Variants in LAMB2 observed in about 807,000 individuals in gnomAD.
LAMB2 encodes laminin subunit beta 2.
In LAMB2, 119 loss-of-function variants were observed where a neutral mutation model predicts 202.7. That is an observed-to-expected ratio of 0.59 (90% CI 0.51 to 0.68). LAMB2 has a LOEUF of 0.68. LAMB2 is among the 30% of genes least tolerant of loss of function. The pLI, the probability that LAMB2 is intolerant of heterozygous loss-of-function variation, is 0.00. For missense variants in LAMB2, 2,124 were observed against 2,410.6 expected (o/e 0.88, Z 2.49); for synonymous variants, 818 against 902.2 (o/e 0.91, Z 1.67).
chr3:49,123,001 C>A lies in LAMB2; in HGVS notation c.4276G>T (p.Ala1426Ser), dbSNP rs762442181. 6.2e-6 allele frequency: 10 copies of A among 1,608,658 alleles called. No individual in the cohort carries two copies. The highest frequency in any genetic ancestry group is 1.3e-5 in the African/African-American group (1 of 74,938). ...APCATSPCGGAGCRDEDGQPR... is the reference protein window; with the variant it reads ...APCATSPCGGSGCRDEDGQPR... ...TGCCCATCCTCATCTCGACAGCCGG[C>A]ACCCCCACAAGGGCTTGTAGCACAG... Residue 1426 changes from alanine (A) to serine (S), a missense_variant, in exon 27 of 32, where the codon GCC (alanine) becomes TCC (serine). Coordinates refer to ENST00000305544, the MANE Select transcript of LAMB2 (RefSeq NM_002292.4).
At chr3:49,128,338 G>C in intron 15 of LAMB2, 120 bp downstream of exon 15, 1 of 1,296,340 alleles carries the variant, frequency 7.7e-7, no homozygotes, top group Admixed American at 2.2e-5. Context: ...CAGCATTCTG[G>C]AGGTATTTGA....
rs2045494457 is a variant in LAMB2, at chr3:49,132,595, G to C, written c.145C>G (p.Pro49Ala). 1 of 1,613,638 alleles carries C rather than the reference G, an allele frequency of 6.2e-7. No individual in the cohort carries two copies. The highest frequency in any genetic ancestry group is 8.5e-7 in the Non-Finnish European group (1 of 1,180,038). The change falls in exon 2 of 32, where the codon CCC (proline) becomes GCC (alanine). Residue 49 changes from proline (P) to alanine (A), a missense_variant. Around this residue, in one of 3 missense-constraint regions of LAMB2, gnomAD observed 166 missense variants for 158.2 expected, o/e 1.05. Coordinates refer to ENST00000305544, the MANE Select transcript of LAMB2 (RefSeq NM_002292.4). This position sits in a 1 kb window ranked among gnomAD's most constrained non-coding sequence, Gnocchi z 4.6. ...CCCACCAGCAGGTCGCCCGTGGCGG[G>C]GTAGCAGCTTCCCCTGGAACAGCCA... ...VPGCSRGSCY[P>A]ATGDLLVGRA...
At chr3:49,126,184 G>A (rs932831364) in intron 16 of LAMB2, 25 bp from the exon 17 acceptor site, 10 of 1,610,192 alleles carry the variant, frequency 6.2e-6, no homozygotes, top group African/African-American at 2.7e-5. Flanking sequence ...AAGGAAGATC[G>A]CAGTTCAGAC....
Position 49,122,293 on chromosome 3 carries a change from G to A in LAMB2, c.4651C>T (p.Gln1551Ter), listed in dbSNP as rs974856857. 1 of 1,613,498 alleles carries A rather than the reference G, an allele frequency of 6.2e-7. No individual in the cohort carries two copies. The highest frequency in any genetic ancestry group is 8.5e-7 in the Non-Finnish European group (1 of 1,180,050). ...LELSIPASAE[Q>*]IQHLAGAIAE... ...ATCGCACCCGCCAGGTGCTGGATCT[G>A]CTCAGCTGAAGCTGGGATGGAGAGC... is the stretch of plus-strand genomic sequence containing the variant. The change falls in exon 28 of 32, where the codon CAG becomes TAG. Residue 1551 changes from glutamine to a stop codon, truncating the protein, a stop_gained. Coordinates refer to ENST00000305544, the MANE Select transcript of LAMB2 (RefSeq NM_002292.4). LOFTEE classifies it high-confidence loss of function.
Position 49,121,488 on chromosome 3 carries a change from C to T in LAMB2, c.5205G>A (p.Arg1735=), listed in dbSNP as rs1297843307. The T allele has an allele frequency of 6.2e-7, 1 of 1,614,070 alleles. No homozygotes were observed. Among genetic ancestry groups the T allele is most frequent in the Non-Finnish European group, 8.5e-7 (1 of 1,180,040 alleles). Reference sequence around the variant, plus strand: ...CTTGCAACAGGTCCCGAGCCTCATCCCGCAGTTGTTCTGCCCTTGCCTGTG... The same window carrying T: ...CTTGCAACAGGTCCCGAGCCTCATCTCGCAGTTGTTCTGCCCTTGCCTGTG... The part of the protein sequence containing the change: ...LAAQARAEQL[R]DEARDLLQAA... Residue 1735 remains arginine (R), a synonymous_variant, in exon 31 of 32, where the codon CGG becomes CGA. Coordinates refer to ENST00000305544, the MANE Select transcript of LAMB2 (RefSeq NM_002292.4).
chr3:49,123,300 C>G lies in LAMB2; in HGVS notation c.4056G>C (p.Leu1352=). 1 of 1,614,104 alleles carries G rather than the reference C, an allele frequency of 6.2e-7. No homozygotes were observed. The highest frequency in any genetic ancestry group is 8.5e-7 in the Non-Finnish European group (1 of 1,180,030). ...EAERRANTSA[L]AVPSPVSNSA... The stretch of plus-strand genomic sequence containing the variant: ...AGTTGCTCACAGGGCTAGGTACTGC[C>G]AGGGCTGAGGTATTGGCACGACGTT... The change falls in exon 26 of 32, where the codon CTG becomes CTC. Residue 1352 remains leucine (L), a synonymous_variant. Transcript: ENST00000305544.
In LAMB2 at chr3:49,131,674, C is replaced by A; in HGVS notation, c.509G>T (p.Arg170Leu). ...MLVERSADFG[R>L]TWHVYRYFSY... Reference sequence around the variant, plus strand: ...GAAATATCGGTACACATGCCAGGTGCGGCCAAAGTCTGCTGAGCGTTCCAC... The same window carrying A: ...GAAATATCGGTACACATGCCAGGTGAGGCCAAAGTCTGCTGAGCGTTCCAC... The change falls in exon 5 of 32, where the codon CGC becomes CTC. Residue 170 changes from arginine (R) to leucine (L), a missense_variant. Around this residue, in one of 3 missense-constraint regions of LAMB2, gnomAD observed 256 missense variants for 356.1 expected, o/e 0.72. Transcript: ENST00000305544. The surrounding 1 kb of genome is among the most constrained non-coding windows in gnomAD (Gnocchi z 5.0). 6.2e-7 allele frequency: 1 copy of A among 1,613,566 alleles called. No individual in the cohort carries two copies. The highest frequency in any genetic ancestry group is 1.1e-5 in the South Asian group (1 of 91,080).
chr3:49,121,710 G>A lies in LAMB2; in HGVS notation c.5074C>T (p.Gln1692Ter). 2 of 1,613,968 alleles carry A rather than the reference G, an allele frequency of 1.2e-6. No individual in the cohort carries two copies. Among genetic ancestry groups the A allele is most frequent in the Non-Finnish European group, 1.7e-6 (2 of 1,180,020 alleles). Residue 1692 changes from glutamine (Q) to a stop codon, truncating the protein, a stop_gained, in exon 30 of 32, where the codon CAG (glutamine) becomes TAG (stop). Coordinates refer to ENST00000305544, the MANE Select transcript of LAMB2 (RefSeq NM_002292.4). LOFTEE classifies it high-confidence loss of function. ...TGCTCAGCCTCCTGGGCACGACCCT[G>A]GGCACTGCCTGCCGTTTCTTCTGCT... ...STAEETAGSA[Q>*]GRAQEAEQLL... is the part of the protein sequence containing the mutation.
chr3:49,130,146 T>C lies in LAMB2; in HGVS notation c.1225+85A>G. ...TTCTATCCCAAGCCCCTAACCCCAA[T>C]TTCCTGCAATTTAGACAGCAGTCCA... On this transcript the variant is annotated intron_variant, in intron 9 of 31. Coordinates refer to ENST00000305544, the MANE Select transcript of LAMB2 (RefSeq NM_002292.4). The surrounding 1 kb of genome is among the most constrained non-coding windows in gnomAD (Gnocchi z 5.0). 1 of 1,593,134 alleles carries C rather than the reference T, an allele frequency of 6.3e-7. No individual in the cohort carries two copies. Among genetic ancestry groups the C allele is most frequent in the Admixed American group, 1.7e-5 (1 of 58,820 alleles).
Position 49,130,819 on chromosome 3 carries a change from G to C in LAMB2, c.957C>G (p.Leu319=). ...ACICKHNTRG[L]NCEQCQDFYR... is the part of the protein sequence containing the mutation. ...AGAAATCCTGACACTGCTCGCAGTT[G>C]AGGCCACGTGTGTTGTGTTTGCAGA... Residue 319 remains leucine (L), a synonymous_variant, in exon 8 of 32, where the codon CTC becomes CTG. Transcript: ENST00000305544. This position sits in a 1 kb window ranked among gnomAD's most constrained non-coding sequence, Gnocchi z 5.0. 6.2e-7 allele frequency: 1 copy of C among 1,614,192 alleles called. No individual in the cohort carries two copies. The highest frequency in any genetic ancestry group is 8.5e-7 in the Non-Finnish European group (1 of 1,180,032).
In LAMB2 at chr3:49,129,952, A is replaced by C; in HGVS notation, c.1292T>G (p.Leu431Arg). The C allele has an allele frequency of 6.2e-7, 1 of 1,614,070 alleles. No homozygotes were observed. Among genetic ancestry groups the C allele is most frequent in the South Asian group, 1.1e-5 (1 of 91,086 alleles). Reference protein sequence around the residue: ...GRCDSHDDPALGLVSGQCRCK... With the variant: ...GRCDSHDDPARGLVSGQCRCK... ...GCGACACTGGCCGGAGACCAGTCCC[A>C]GTGCAGGGTCATCATGGGAATCACA... Residue 431 changes from leucine (L) to arginine (R), a missense_variant, in exon 10 of 32, where the codon CTG (leucine) becomes CGG (arginine). Physicochemically the swap from Leu to Arg is moderately radical, Grantham distance 102 (BLOSUM62 -2). Coordinates refer to ENST00000305544, the MANE Select transcript of LAMB2 (RefSeq NM_002292.4). The surrounding 1 kb of genome is among the most constrained non-coding windows in gnomAD (Gnocchi z 6.1).
In LAMB2 at chr3:49,122,323, G is replaced by A. The variant is rs984229804; in HGVS notation, c.4621C>T (p.Leu1541=). 2 of 1,613,434 alleles carry A rather than the reference G, an allele frequency of 1.2e-6. No individual in the cohort carries two copies. The highest frequency in any genetic ancestry group is 1.7e-6 in the Non-Finnish European group (2 of 1,179,986). ...GCTGAAGCTGGGATGGAGAGCTCTA[G>A]CACCCGTGTGGCCACCATTTCAATG... The part of the protein sequence containing the change: ...DSIEMVATRV[L]ELSIPASAEQ... The change falls in exon 28 of 32, where the codon CTA becomes TTA. Residue 1541 remains leucine, a synonymous_variant. Coordinates refer to ENST00000305544, the MANE Select transcript of LAMB2 (RefSeq NM_002292.4).
rs145660751 is a variant in LAMB2 at position 49,126,144 on chromosome 3, G to C, written c.2167C>G (p.Arg723Gly). 8.7e-6 allele frequency: 14 copies of C among 1,612,496 alleles called. No homozygotes were observed. The highest frequency in any genetic ancestry group is 1.7e-5 in the Admixed American group (1 of 59,998). The change falls in exon 17 of 32, where the codon CGT (arginine) becomes GGT (glycine). Residue 723 changes from arginine to glycine, a missense_variant. Arg to Gly is a moderately radical substitution (Grantham distance 125). Transcript: ENST00000305544. ...LLIDSLVLLP[R>G]VLVLEMFSGG... The stretch of plus-strand genomic sequence containing the variant: ...CTAAACATCTCTAGCACCAGGACAC[G>C]GGGCAGCAGCACCAGCTGAAGGAGT...
intron 15 of LAMB2, among the ~76,000 whole-genome samples, chr3:49,126,785 C>T (rs999287525): frequency 2.6e-5 from 4 of 152,150 alleles, no homozygotes; most frequent in Non-Finnish European, 5.9e-5. Flanking sequence ...TTCTCCTCAA[C>T]AACCACCTCA....
In LAMB2 at chr3:49,121,692, C is replaced by G. The variant is rs1303101788; in HGVS notation, c.5092G>C (p.Ala1698Pro). The G allele has an allele frequency of 6.2e-7, 1 of 1,614,098 alleles. No homozygotes were observed. The highest frequency in any genetic ancestry group is 8.5e-7 in the Non-Finnish European group (1 of 1,180,030). ...GCTCTGCCTCAACCCACCTGCTCAG[C>G]CTCCTGGGCACGACCCTGGGCACTG... is the stretch of plus-strand genomic sequence containing the variant. ...AGSAQGRAQE[A>P]EQLLRGPLGD... Residue 1698 changes from alanine (A) to proline (P), a missense_variant, in exon 30 of 32, where the codon GCT becomes CCT. Physicochemically the swap from Ala to Pro is conservative, Grantham distance 27. Around this residue, in one of 3 missense-constraint regions of LAMB2, gnomAD observed 1,702 missense variants for 1,896.3 expected, o/e 0.90. Coordinates refer to ENST00000305544, the MANE Select transcript of LAMB2 (RefSeq NM_002292.4).
Position 49,121,979 on chromosome 3 carries a change from C to T in LAMB2, c.4888G>A (p.Ala1630Thr), listed in dbSNP as rs144938183. Residue 1630 changes from alanine (A) to threonine (T), a missense_variant, in exon 29 of 32, where the codon GCT (alanine) becomes ACT (threonine). This residue lies in a region of LAMB2 where 1,702 missense variants were observed against 1,896.3 expected (regional missense o/e 0.90). Transcript: ENST00000305544. Reference protein sequence around the residue: ...IAQGAIRGAVADTRDTEQTLY... With the variant: ...IAQGAIRGAVTDTRDTEQTLY... ...GTCTGCTCTGTGTCCCGTGTGTCAG[C>T]CACTGCCCCCCGGATGGCACCCTGG... The T allele has an allele frequency of 3.1e-6, 5 of 1,613,856 alleles. No individual in the cohort carries two copies. Among genetic ancestry groups the T allele is most frequent in the Non-Finnish European group, 4.2e-6 (5 of 1,180,048 alleles).
rs372463037 is a variant in LAMB2 at position 49,123,217 on chromosome 3, T to C, written c.4139A>G (p.Asn1380Ser). 8.1e-6 allele frequency: 13 copies of C among 1,613,898 alleles called. No individual in the cohort carries two copies. The highest frequency in any genetic ancestry group is 1.1e-5 in the South Asian group (1 of 91,094). ...ALMDAQKEDF[N>S]SKHMANQRAL... Reference sequence around the variant, plus strand: ...CCGCTGGTTGGCCATGTGTTTGCTGTTGAAGTCCTCCTTCTGAGCATCCAT... The same window carrying C: ...CCGCTGGTTGGCCATGTGTTTGCTGCTGAAGTCCTCCTTCTGAGCATCCAT... The change falls in exon 26 of 32, where the codon AAC (asparagine) becomes AGC (serine). Residue 1380 changes from asparagine (N) to serine (S), a missense_variant. By Grantham distance (46) the Asn-to-Ser change is conservative. Transcript: ENST00000305544.
Position 49,129,450 on chromosome 3 carries a change from T to C in LAMB2, c.1519-126A>G, listed in dbSNP as rs1407707383. 9.1e-7 allele frequency: 1 copy of C among 1,098,726 alleles called. No individual in the cohort carries two copies. The highest frequency in any genetic ancestry group is 1.6e-5 in the African/African-American group (1 of 64,260). 68.1% of individuals were successfully genotyped at this position (1,098,726 alleles called of 1,614,324 possible). A position where few individuals can be genotyped will look rare whatever the true frequency, so the allele number is the denominator to read the frequency against. On this transcript the variant is annotated intron_variant, in intron 11 of 31. Transcript: ENST00000305544. The surrounding 1 kb of genome is among the most constrained non-coding windows in gnomAD (Gnocchi z 6.1). ...AGTGAAAACATGCCCCCCAGACCACTGGCCCACATCCTTGGCCTCCCAGAC... is the reference window on the plus strand; with the variant it reads ...AGTGAAAACATGCCCCCCAGACCACCGGCCCACATCCTTGGCCTCCCAGAC...
chr3:49,125,680 A>AGGAGGAGAGAGAACAGTAATGG (rs2045406063), intron 18 of LAMB2, 67 bp downstream of exon 18: 2 of 1,586,102 alleles, frequency 1.3e-6, no homozygotes, highest in Non-Finnish European at 1.7e-6. Flanking sequence ...CAGGTCCAGA[A>AGGAGGAGAGAGAACAGTAATGG]GGAGGAGAGA....
Sources: allele counts gnomAD v4.1 joint callset (sites outside exome capture counted in the v4.1 genomes callset), GRCh38; gene constraint gnomAD v4.1.1; regional missense constraint gnomAD v4.1.1; non-coding constraint Gnocchi (gnomAD v3.1); transcripts MANE v1.5; gene names NCBI Gene and HGNC (gene_info 2026-07-23, HGNC 2026-07-21).